Variants in GABRE observed in about 807,000 individuals in gnomAD.
GABRE encodes gamma-aminobutyric acid receptor subunit epsilon.
In GABRE, 20 loss-of-function variants were observed where a neutral mutation model predicts 31.0. The ratio of observed to expected loss-of-function variants is 0.64; its 90% CI spans 0.45 to 0.94. GABRE has a LOEUF of 0.94. Ranked by LOEUF, GABRE falls within the 40% of genes least tolerant of loss-of-function variation. The probability of loss-of-function intolerance (pLI) is 0.00; values close to 1 mark genes in which losing one functional copy is unlikely to be tolerated. For missense variants in GABRE, 420 were observed against 410.7 expected, an observed-to-expected ratio of 1.02 and a Z score of -0.20; for synonymous variants, 155 against 150.6, an observed-to-expected ratio of 1.03 and a Z score of -0.21.
intron 6 of GABRE, chrX:151,956,517 C>T (rs1463202006): frequency 8.9e-6 from 1 of 112,246 alleles, no homozygotes; most frequent in Non-Finnish European, 1.9e-5. Context: ...CATGACCCGG[C>T]TCCCACTGAC....
intron 4 of GABRE, among the ~76,000 whole-genome samples, chrX:151,962,190 T>C (rs957558072): frequency 2.7e-5 from 3 of 112,034 alleles, no homozygotes; most frequent in African/African-American, 6.5e-5. Context: ...GCCAAGTAAC[T>C]GAGTACCAGT....
chrX:151,962,273 C>A, intron 4 of GABRE, 150 bp downstream of exon 4: 1 of 508,652 alleles, frequency 2.0e-6, no homozygotes, highest in Non-Finnish European at 3.4e-6. Flanking sequence ...ATATCTGTTA[C>A]ATAAGGGGGC....
chrX:151,957,391 GA>G, intron 6 of GABRE: 1 of 323,096 alleles, frequency 3.1e-6, no homozygotes, highest in African/African-American at 2.6e-5. Context: ...ATAGCTTTGG[GA>G]TAGAACTCCT....
Position 151,962,515 on chromosome X carries a change from A to T in GABRE, c.471T>A (p.Phe157Leu). 1 of 1,209,795 alleles carries T rather than the reference A, an allele frequency of 8.3e-7. No individual in the cohort carries two copies. The stretch of plus-strand genomic sequence containing the variant: ...GCTCGTGGGTCCTCTTAGAATTCCT[A>T]AAAAAGGTGTCCGGGATCCATAGCT... ...VSQLWIPDTF[F>L]RNSKRTHEHE... The change falls in exon 4 of 9, where the codon TTT becomes TTA. Residue 157 changes from phenylalanine to leucine, a missense_variant. Coordinates refer to ENST00000370328, the MANE Select transcript of GABRE (RefSeq NM_004961.4).
At chrX:151,956,004 T>C (rs937840877) in intron 6 of GABRE, 144 bp from the exon 7 acceptor site, 3 of 575,411 alleles carry the variant, frequency 5.2e-6, no homozygotes, top group African/African-American at 2.3e-5. Context: ...TACATACAAA[T>C]AGGACCAGAA....
intron 1 of GABRE, chrX:151,972,100 A>G (rs1325150723): frequency 1.3e-6 from 1 of 751,004 alleles, no homozygotes; most frequent in Non-Finnish European, 1.6e-6. Context: ...AAACAGGGCA[A>G]GAGACGTTGG....
At chrX:151,974,477 A>G in intron 1 of GABRE, 93 bp downstream of exon 1, 5 of 597,728 alleles carry the variant, frequency 8.4e-6, no homozygotes, top group Middle Eastern at 4.2e-4. Context: ...GGCTCGAGGA[A>G]CGCGGGGCCG....
At chrX:151,956,234 C>G (rs1030465700) in intron 6 of GABRE, 5 of 176,590 alleles carry the variant, frequency 2.8e-5, no homozygotes, top group African/African-American at 1.5e-4. Flanking sequence ...GCTTCATACC[C>G]TCTGAGGCAC....
In GABRE at chrX:151,972,710, G is replaced by T. The variant is rs774882098; in HGVS notation, c.56+1860C>A. 1,158 of 723,103 alleles carry T rather than the reference G, an allele frequency of 1.6e-3. 1 individual carries two copies. Among genetic ancestry groups the T allele is most frequent in the Non-Finnish European group, 1.7e-3 (1,053 of 616,172 alleles). 59.6% of individuals were successfully genotyped at this position (723,103 alleles called of 1,213,427 possible). On this transcript the variant is annotated intron_variant, in intron 1 of 8. Coordinates refer to ENST00000370328, the MANE Select transcript of GABRE (RefSeq NM_004961.4). ...GGCTTTAATCCTAAAATTGGCTTTT[G>T]CCAGTTAAAAAAAAAAAACACAACA...
At chrX:151,969,435 G>C (rs1934618976) in intron 3 of GABRE, 2 of 304,337 alleles carry the variant, frequency 6.6e-6, no homozygotes, top group East Asian at 9.9e-5. Context: ...TTTCTATTTT[G>C]AATGAAAAAA....
At position 151,955,859 on chromosome X, in the gene GABRE, A is replaced by C; in HGVS notation, c.786T>G (p.Gly262=). The change falls in exon 7 of 9, where the codon GGT becomes GGG. Residue 262 remains glycine, a splice_region_variant and synonymous_variant. Transcript: ENST00000370328. ...AGAAAATCGTCATGACCATGAAGTCACCTGAAAGACACAAAAAACATCACT... is the reference window on the plus strand; with the variant it reads ...AGAAAATCGTCATGACCATGAAGTCCCCTGAAAGACACAAAAAACATCACT... ...NKTEIITTPV[G]DFMVMTIFFN... The C allele has an allele frequency of 8.3e-7, 1 of 1,211,524 alleles. No individual in the cohort carries two copies. Among genetic ancestry groups the C allele is most frequent in the Non-Finnish European group, 1.1e-6 (1 of 895,220 alleles).
intron 1 of GABRE, among the ~76,000 whole-genome samples, chrX:151,974,237 C>G (rs1303956394): frequency 1.8e-5 from 2 of 111,856 alleles, no homozygotes; most frequent in Non-Finnish European, 3.8e-5. Context: ...TCCCCTGTTC[C>G]TGCGCAAGAC....
intron 1 of GABRE, chrX:151,971,919 G>A (rs1209967652): frequency 7.7e-5 from 9 of 116,725 alleles, no homozygotes; most frequent in African/African-American, 3.4e-4. Flanking sequence ...GTGTGGTGAG[G>A]GGGTTGCAAT....
intron 3 of GABRE, among the ~76,000 whole-genome samples, chrX:151,963,216 G>A (rs951860892): frequency 8.9e-6 from 1 of 112,033 alleles, no homozygotes; most frequent in Non-Finnish European, 1.9e-5. Flanking sequence ...AATTGGTTAC[G>A]ATCTTAAATC....
chrX:151,969,860 A>C, intron 2 of GABRE, 124 bp from the exon 3 acceptor site: 7 of 1,100,132 alleles, frequency 6.4e-6, no homozygotes, highest in Non-Finnish European at 8.3e-6. Flanking sequence ...TTCAGCATCT[A>C]ATCCTATTTC....
chrX:151,964,162 TTAAA>T lies in GABRE; in HGVS notation c.343-1523_343-1520del, dbSNP rs756726242. On this transcript the variant is annotated intron_variant, in intron 3 of 8. Transcript: ENST00000370328. ...ATTGTTTCCATTTATAATCAAAGTCTTAAATAAATGTTCTTGTGACCTTGGCTAA... is the reference window on the plus strand; with the variant it reads ...ATTGTTTCCATTTATAATCAAAGTCTTAAATGTTCTTGTGACCTTGGCTAA... Among the ~76,000 whole-genome samples, 183 of 111,837 alleles carry T rather than the reference TTAAA, an allele frequency of 1.6e-3. 1 individual carries two copies. The highest frequency in any genetic ancestry group is 4.6e-3 in the African/African-American group (142 of 30,763).
intron 6 of GABRE, 118 bp from the exon 7 acceptor site, chrX:151,955,978 T>A (rs935382998): frequency 8.4e-6 from 6 of 716,530 alleles, no homozygotes; most frequent in Non-Finnish European, 1.3e-5. Context: ...GATAGAGGCA[T>A]GATGTGACAA....
At chrX:151,973,102 G>A (rs1430245102) in intron 1 of GABRE, among the ~76,000 whole-genome samples, 1 of 110,798 alleles carries the variant, frequency 9.0e-6, no homozygotes, top group Non-Finnish European at 1.9e-5. Context: ...GATAGAGGAA[G>A]GACTGTGCCC....
intron 4 of GABRE, among the ~76,000 whole-genome samples, chrX:151,962,087 C>T (rs900702595): frequency 1.8e-4 from 20 of 111,416 alleles, no homozygotes; most frequent in Non-Finnish European, 2.4e-4. Context: ...CCACTGTGGA[C>T]GTATCTTTGT....
Sources: allele counts gnomAD v4.1 joint callset (sites outside exome capture counted in the v4.1 genomes callset), GRCh38; gene constraint gnomAD v4.1.1; transcripts MANE v1.5; gene names NCBI Gene and HGNC (gene_info 2026-07-23, HGNC 2026-07-21).